ESRRG: variants seen among roughly 807,000 people sequenced by gnomAD.
ESRRG encodes estrogen related receptor gamma, also known as estrogen-related receptor gamma.
In ESRRG, 13 loss-of-function variants were observed where a neutral mutation model predicts 44.0. The observed-to-expected ratio is 0.30, with a 90% confidence interval of 0.19 to 0.47. The LOEUF (loss-of-function observed/expected upper bound fraction) is 0.47. ESRRG is among the 20% of genes least tolerant of loss of function. ESRRG has a pLI of 1.00. For missense variants in ESRRG, 395 were observed against 580.6 expected, an observed-to-expected ratio of 0.68 and a Z score of 3.29; for synonymous variants, 215 against 214.6, an observed-to-expected ratio of 1.00 and a Z score of -0.02.
intron 2 of ESRRG, among the ~76,000 whole-genome samples, chr1:216,743,939 G>T (rs2091067043): frequency 6.6e-6 from 1 of 152,136 alleles, no homozygotes; most frequent in Non-Finnish European, 1.5e-5. Context: ...GGAAACTTTT[G>T]CTCTTAATCA....
intron 1 of ESRRG, among the ~76,000 whole-genome samples, chr1:217,050,111 C>A (rs1006460991): frequency 2.0e-5 from 3 of 152,108 alleles, no homozygotes; most frequent in Non-Finnish European, 4.4e-5. Flanking sequence ...TGTCAAAGAA[C>A]CTTATTAGAA....
intron 1 of ESRRG, among the ~76,000 whole-genome samples, chr1:217,082,428 G>T (rs956413835): frequency 6.6e-6 from 1 of 152,242 alleles, no homozygotes; most frequent in South Asian, 2.1e-4. Flanking sequence ...TAATTATAAA[G>T]GTTCAAAGAG....
intron 1 of ESRRG, among the ~76,000 whole-genome samples, chr1:216,683,396 T>TCAGAATGA (rs1205725219): frequency 6.6e-6 from 1 of 152,206 alleles, no homozygotes; most frequent in African/African-American, 2.4e-5. Flanking sequence ...TATACCAGGA[T>TCAGAATGA]CAGAATGATT....
chr1:217,041,857 T>C (rs2083914696), intron 1 of ESRRG, among the ~76,000 whole-genome samples: 1 of 152,204 alleles, frequency 6.6e-6, no homozygotes, highest in South Asian at 2.1e-4. Flanking sequence ...TGCTTTGGCA[T>C]GCAATATCTT....
chr1:216,706,659 A>G (rs1384451329), intron 1 of ESRRG, among the ~76,000 whole-genome samples: 1 of 152,232 alleles, frequency 6.6e-6, no homozygotes, highest in African/African-American at 2.4e-5. Context: ...TTAATTGAGC[A>G]TAAACACTTG....
At position 216,505,389 on chromosome 1, in the gene ESRRG, C is replaced by T. The variant is rs1336378862; in HGVS notation, c.*1550G>A. ...TGCAGATTAATTTAAACGAACATTC[C>T]TAAATGAATAAACTTATATGGATTA... On this transcript the variant is annotated 3_prime_UTR_variant, in exon 7 of 7. Transcript: ENST00000408911. 2 of 152,482 alleles carry T rather than the reference C, an allele frequency of 1.3e-5. No individual in the cohort carries two copies. The highest frequency in any genetic ancestry group is 4.8e-5 in the African/African-American group (2 of 41,422). The allele number at this position is 152,482 out of a possible 1,614,324, so 9.4% of individuals were successfully genotyped here. A position where few individuals can be genotyped will look rare whatever the true frequency, so the allele number is the denominator to read the frequency against.
rs368054784 is a variant in ESRRG at position 216,636,963 on chromosome 1, T to C, written c.589+14010A>G. ...TTGTCACCATTAGTGAAGCTTTATT[T>C]TTCTACACTATCCCCTCCAGATCCT... is the stretch of plus-strand genomic sequence containing the variant. On this transcript the variant is annotated intron_variant, in intron 3 of 6. Transcript: ENST00000408911. Among the ~76,000 whole-genome samples the C allele has an allele frequency of 3.9e-5, 6 of 152,352 alleles. No homozygotes were observed. In the East Asian group the frequency reaches 1.2e-3, roughly 29 times the overall value.
At chr1:216,598,461 C>T (rs546759102) in intron 3 of ESRRG, among the ~76,000 whole-genome samples, 1 of 152,270 alleles carries the variant, frequency 6.6e-6, no homozygotes, top group South Asian at 2.1e-4. Context: ...TCATATGGAA[C>T]AACCCACCTT....
intron 3 of ESRRG, among the ~76,000 whole-genome samples, chr1:216,616,608 T>C (rs1289931926): frequency 6.6e-6 from 1 of 152,202 alleles, no homozygotes; most frequent in Non-Finnish European, 1.5e-5. Flanking sequence ...GATTACATCC[T>C]TTACTTTTTG....
chr1:216,727,213 C>T (rs1559428640), upstream of ESRRG, among the ~76,000 whole-genome samples: 1 of 152,080 alleles, frequency 6.6e-6, no homozygotes, highest in Non-Finnish European at 1.5e-5. Flanking sequence ...TTCAAATTGC[C>T]TAGTAATCTT....
intron 1 of ESRRG, among the ~76,000 whole-genome samples, chr1:217,107,517 G>A (rs2092611975): frequency 6.6e-6 from 1 of 152,174 alleles, no homozygotes; most frequent in African/African-American, 2.4e-5. Context: ...TGTGAAGTTT[G>A]TTTTATTAGG....
At chr1:217,098,708 C>A (rs1240418682) in intron 1 of ESRRG, among the ~76,000 whole-genome samples, 2 of 152,196 alleles carry the variant, frequency 1.3e-5, no homozygotes, top group Admixed American at 6.5e-5. Context: ...TTCCAGCAGG[C>A]TTTTTCAAAT....
intron 2 of ESRRG, among the ~76,000 whole-genome samples, chr1:216,794,869 A>G (rs996000670): frequency 4.6e-5 from 7 of 152,222 alleles, no homozygotes; most frequent in South Asian, 2.1e-4. Flanking sequence ...ATGAACCAGG[A>G]TAATCTCTAG....
chr1:217,120,760 C>T lies in ESRRG; in HGVS notation c.-230+16907G>A, dbSNP rs961237808. On this transcript the variant is annotated intron_variant, in intron 1 of 8. Transcript: ENST00000366940. ...GTGGTTAATTCATCTTTTACATTTT[C>T]GCTCATACGTACCAACTTGGTGAAG... is the stretch of plus-strand genomic sequence containing the variant. Among the ~76,000 whole-genome samples, 13 of 152,180 alleles carry T rather than the reference C, an allele frequency of 8.5e-5. No homozygotes were observed. In the East Asian group the frequency reaches 1.2e-3, roughly 14 times the overall value.
chr1:216,754,399 A>T (rs1310507283), intron 2 of ESRRG, among the ~76,000 whole-genome samples: 3 of 152,066 alleles, frequency 2.0e-5, no homozygotes, highest in African/African-American at 7.2e-5. Flanking sequence ...TTCCTAAAAC[A>T]TTTAAATTGT....
At chr1:217,015,689 C>A (rs1208067417) in intron 1 of ESRRG, among the ~76,000 whole-genome samples, 2 of 150,822 alleles carry the variant, frequency 1.3e-5, no homozygotes, top group African/African-American at 4.9e-5. Context: ...ATTTCAGGAA[C>A]CTCAGGTTTT....
chr1:217,078,157 G>C (rs902227181), intron 1 of ESRRG: 4 of 152,252 alleles, frequency 2.6e-5, no homozygotes, highest in East Asian at 1.9e-4. Context: ...TCTTCCAAGA[G>C]TTTGGTGCAG....
intron 1 of ESRRG, among the ~76,000 whole-genome samples, chr1:216,712,842 T>G (rs1489478138): frequency 6.6e-6 from 1 of 152,214 alleles, no homozygotes; most frequent in Non-Finnish European, 1.5e-5. Context: ...TTGTTTTTAG[T>G]GAAAATTTAA....
chr1:216,930,836 G>A (rs1047592296), intron 2 of ESRRG, among the ~76,000 whole-genome samples: 32 of 152,180 alleles, frequency 2.1e-4, no homozygotes, highest in Non-Finnish European at 4.3e-4. Flanking sequence ...TAATGGAGAA[G>A]GCCCCAAAAA....
Sources: gnomAD v4.1 joint callset for allele counts (sites outside exome capture counted in the v4.1 genomes callset) on GRCh38, gnomAD v4.1.1 for gene constraint, MANE v1.5 for transcripts, NCBI Gene and HGNC (gene_info 2026-07-23, HGNC 2026-07-21) for gene names.